The following DCAF8L2 variants were observed in gnomAD, a reference collection of about 807,000 sequenced individuals.
DCAF8L2 encodes the protein DDB1 and CUL4 associated factor 8 like 2.
For synonymous variants in DCAF8L2, 200 were observed against 190.9 expected, an observed-to-expected ratio of 1.05 and a Z score of -0.39; for missense variants, 430 against 490.7, an observed-to-expected ratio of 0.88 and a Z score of 1.17.
Position 27,747,069 on chromosome X carries a change from G to A in DCAF8L2, c.174G>A (p.Arg58=). Residue 58 remains arginine (R), a synonymous_variant, in exon 5 of 5, where the codon AGG becomes AGA. Transcript: ENST00000451261. ...VTVTGDGSDS[R]DGGFPNDAST... is the part of the protein sequence containing the mutation. The stretch of plus-strand genomic sequence containing the variant: ...TGACCGGAGATGGCAGTGATAGCAG[G>A]GATGGTGGATTCCCCAACGATGCCA... The A allele has an allele frequency of 8.6e-7, 1 of 1,169,051 alleles. No homozygotes were observed. Among genetic ancestry groups the A allele is most frequent in the Non-Finnish European group, 1.1e-6 (1 of 873,530 alleles).
In DCAF8L2 at chrX:27,610,476, G is replaced by T. The variant is rs186284951; in HGVS notation, c.-342+20036G>T. On this transcript the variant is annotated intron_variant, in intron 1 of 4. Transcript: ENST00000451261. ...ATTTTAACGAAGGAAACATCATGAT[G>T]TTAGAGTGTTTGACAAAAATCCACA... Among the ~76,000 whole-genome samples the T allele has an allele frequency of 4.0e-3, 449 of 111,262 alleles. 1 individual carries two copies. Among genetic ancestry groups the T allele is most frequent in the African/African-American group, 0.014 (419 of 30,617 alleles).
chrX:27,602,223 C>T (rs113672822), intron 1 of DCAF8L2, among the ~76,000 whole-genome samples: 2,070 of 110,364 alleles, frequency 0.019, 14 homozygotes, highest in Middle Eastern at 0.046. Flanking sequence ...TTAGTAGAGA[C>T]GGGGTTTCTC....
chrX:27,669,870 T>C (rs1929883428), intron 2 of DCAF8L2, among the ~76,000 whole-genome samples: 1 of 111,768 alleles, frequency 8.9e-6, no homozygotes, highest in Non-Finnish European at 1.9e-5. Context: ...ATCCAGTCTA[T>C]CATTGCTGGA....
At chrX:27,541,797 T>C in the DCAF8L2 span, among the ~76,000 whole-genome samples, 1 of 111,535 alleles carries the variant, frequency 9.0e-6, no homozygotes, top group South Asian at 3.8e-4. Context: ...ACCCAAGAAG[T>C]GAGCACAGTA....
the DCAF8L2 span, chrX:27,518,880 G>T: frequency 3.6e-6 from 2 of 558,302 alleles, no homozygotes; most frequent in Middle Eastern, 1.0e-3. Flanking sequence ...GTTTTCCCTG[G>T]AGTGAAATCA....
the DCAF8L2 span, among the ~76,000 whole-genome samples, chrX:27,522,407 A>G: frequency 8.9e-6 from 1 of 111,886 alleles, no homozygotes; most frequent in Non-Finnish European, 1.9e-5. Context: ...TCATTTTGTC[A>G]TACTTTATTG....
In DCAF8L2 at chrX:27,747,318, G is replaced by T; in HGVS notation, c.423G>T (p.Glu141Asp). 6.3e-6 allele frequency: 7 copies of T among 1,104,572 alleles called. No individual in the cohort carries two copies. Among genetic ancestry groups the T allele is most frequent in the Non-Finnish European group, 8.4e-6 (7 of 831,693 alleles). 91.0% of individuals were successfully genotyped at this position (1,104,572 alleles called of 1,213,427 possible). The change falls in exon 5 of 5, where the codon GAG becomes GAT. Residue 141 changes from glutamate (E) to aspartate (D), a missense_variant. Coordinates refer to ENST00000451261, the MANE Select transcript of DCAF8L2 (RefSeq NM_001353450.2). ...EEEEEEEEEE[E>D]EEEEEEQPRA... ...AGGAGGAGGAGGAGGAGGAGGAGGA[G>T]GAGGAGGAGGAAGAAGAACAGCCTC...
At chrX:27,711,023 C>A (rs1296057118) in intron 3 of DCAF8L2, among the ~76,000 whole-genome samples, 3 of 111,060 alleles carry the variant, frequency 2.7e-5, no homozygotes, top group Non-Finnish European at 5.7e-5. Flanking sequence ...CTACTATGTA[C>A]CCACAAAAAT....
At chrX:27,609,924 C>A (rs111491304) in intron 1 of DCAF8L2, among the ~76,000 whole-genome samples, 8 of 111,607 alleles carry the variant, frequency 7.2e-5, no homozygotes, top group African/African-American at 2.0e-4. Flanking sequence ...CTATTACAAA[C>A]CTCTTCGTTA....
chrX:27,540,010 T>C, the DCAF8L2 span, among the ~76,000 whole-genome samples: 2 of 110,605 alleles, frequency 1.8e-5, no homozygotes, highest in Non-Finnish European at 3.8e-5. Context: ...GGATACAGAA[T>C]TAATCAGCTG....
At chrX:27,590,995 A>ATATATATATATG (rs1926053120) in intron 1 of DCAF8L2, among the ~76,000 whole-genome samples, 1 of 55,587 alleles carries the variant, frequency 1.8e-5, no homozygotes, top group Non-Finnish European at 3.0e-5. Flanking sequence ...TACATTTTAT[A>ATATATATATATG]TATATATATA....
chrX:27,673,039 C>T (rs2034583205), intron 2 of DCAF8L2, among the ~76,000 whole-genome samples: 1 of 110,921 alleles, frequency 9.0e-6, no homozygotes, highest in Non-Finnish European at 1.9e-5. Flanking sequence ...TTTATCATCC[C>T]AACCCCACCA....
chrX:27,592,403 T>G (rs1475340794), intron 1 of DCAF8L2, among the ~76,000 whole-genome samples: 2 of 70,915 alleles, frequency 2.8e-5, no homozygotes, highest in Non-Finnish European at 5.1e-5. Flanking sequence ...CATTGTTTTT[T>G]TTTGTTTGTT....
chrX:27,693,346 ATAT>A (rs1465658794), intron 3 of DCAF8L2, among the ~76,000 whole-genome samples: 3 of 111,030 alleles, frequency 2.7e-5, no homozygotes, highest in African/African-American at 9.8e-5. Flanking sequence ...TAAAAATTAA[ATAT>A]TATTGAAAAA....
chrX:27,703,958 G>A (rs1931225076), intron 3 of DCAF8L2, among the ~76,000 whole-genome samples: 3 of 107,670 alleles, frequency 2.8e-5, no homozygotes, highest in Non-Finnish European at 3.8e-5. Context: ...AAGAAAATTC[G>A]CACAATGAGA....
the DCAF8L2 span, among the ~76,000 whole-genome samples, chrX:27,538,269 G>A: frequency 6.0e-4 from 67 of 112,081 alleles, no homozygotes; most frequent in African/African-American, 2.1e-3. Context: ...TGGAGTTTTA[G>A]TACCACAACT....
chrX:27,516,497 CA>C, the DCAF8L2 span, among the ~76,000 whole-genome samples: 1 of 106,972 alleles, frequency 9.3e-6, no homozygotes, highest in African/African-American at 3.6e-5. Context: ...AACACACACA[CA>C]TACTCTCTCT....
chrX:27,636,656 G>A (rs1489323648), intron 2 of DCAF8L2, among the ~76,000 whole-genome samples: 1 of 111,413 alleles, frequency 9.0e-6, no homozygotes, highest in Non-Finnish European at 1.9e-5. Context: ...TTTAATTCTG[G>A]AAAATTAAAT....
the DCAF8L2 span, among the ~76,000 whole-genome samples, chrX:27,574,475 G>T: frequency 8.9e-6 from 1 of 111,802 alleles, no homozygotes; most frequent in Non-Finnish European, 1.9e-5. Flanking sequence ...CTTCTCTCAG[G>T]TGCCACTGGT....
Sources: gnomAD v4.1 joint callset for allele counts (sites outside exome capture counted in the v4.1 genomes callset) on GRCh38, gnomAD v4.1.1 for gene constraint, MANE v1.5 for transcripts, NCBI Gene and HGNC (gene_info 2026-07-23, HGNC 2026-07-21) for gene names.